The following AATK variants were observed in gnomAD, a reference collection of about 807,000 sequenced individuals.
AATK encodes serine/threonine-protein kinase LMTK1.
Under a neutral mutation model 114.3 loss-of-function variants are expected in AATK, and 91 were observed. That is an observed-to-expected ratio of 0.80 (90% CI 0.67 to 0.95). The LOEUF (loss-of-function observed/expected upper bound fraction) is 0.95, where lower values mean the gene tolerates loss of function less well. Ranked by LOEUF, AATK falls within the 40% of genes least tolerant of loss-of-function variation. The probability of loss-of-function intolerance (pLI) is 0.00; values close to 1 mark genes in which losing one functional copy is unlikely to be tolerated. For missense variants in AATK, 2,176 were observed against 1,965.2 expected, an observed-to-expected ratio of 1.11 and a Z score of -2.03; for synonymous variants, 1,075 against 916.5, an observed-to-expected ratio of 1.17 and a Z score of -3.12.
Position 81,121,906 on chromosome 17 carries a change from T to C in AATK, c.2030A>G (p.His677Arg). The change falls in exon 11 of 14, where the codon CAC (histidine) becomes CGC (arginine). Residue 677 changes from histidine (H) to arginine (R), a missense_variant. By Grantham distance (29) the His-to-Arg change is conservative. This residue lies in a region of AATK where 1,701 missense variants were observed against 1,394.7 expected (regional missense o/e 1.22). Transcript: ENST00000326724. ...GTTGGCTGACACGTTGGAGCGCCAG[T>C]GCCCGCGCTGGGCGGCCCTCCGCGC... is the stretch of plus-strand genomic sequence containing the variant. ...VGARRAAQRG[H>R]WRSNVSANNN... is the part of the protein sequence containing the mutation. 1 of 1,600,750 alleles carries C rather than the reference T, an allele frequency of 6.2e-7. No homozygotes were observed. The highest frequency in any genetic ancestry group is 8.5e-7 in the Non-Finnish European group (1 of 1,178,948).
Position 81,120,819 on chromosome 17 carries a change from G to A in AATK, c.3117C>T (p.Leu1039=). The change falls in exon 11 of 14, where the codon CTC becomes CTT. Residue 1039 remains leucine (L), a synonymous_variant. Coordinates refer to ENST00000326724, the MANE Select transcript of AATK (RefSeq NM_001080395.3). ...GTGCCTCCCCGGAAACCCCAGGCCT[G>A]AGACAGACCTGCTCAGACGGCTGCC... The part of the protein sequence containing the change: ...STGQPSEQVC[L]RPGVSGEAQG... 6.3e-7 allele frequency: 1 copy of A among 1,576,156 alleles called. No individual in the cohort carries two copies. Among genetic ancestry groups the A allele is most frequent in the East Asian group, 2.3e-5 (1 of 42,702 alleles).
chr17:81,140,999 TAA>T (rs1440258407), intron 1 of AATK, among the ~76,000 whole-genome samples: 78 of 121,396 alleles, frequency 6.4e-4, no homozygotes, highest in African/African-American at 2.4e-3. Flanking sequence ...TGTGGGGCCG[TAA>T]GCCGTGGGGC....
At chr17:81,160,345 A>G (rs1311921661) in intron 1 of AATK, 1 of 731,282 alleles carries the variant, frequency 1.4e-6, no homozygotes, top group Admixed American at 6.4e-5. Flanking sequence ...CAGCCCCCTG[A>G]CCCCAGGCCC....
At chr17:81,138,144 T>A (rs1049549510) in intron 1 of AATK, among the ~76,000 whole-genome samples, 1 of 116,602 alleles carries the variant, frequency 8.6e-6, no homozygotes, top group Non-Finnish European at 1.8e-5. Flanking sequence ...CATGCACACA[T>A]ACGCGCACGC....
chr17:81,123,971 G>A (rs1253540051), intron 9 of AATK, among the ~76,000 whole-genome samples: 3 of 152,198 alleles, frequency 2.0e-5, no homozygotes, highest in African/African-American at 7.2e-5. Flanking sequence ...CCTGTGACTG[G>A]AGACCCCAGC....
At chr17:81,163,259 C>G (rs1484052904) in intron 1 of AATK, among the ~76,000 whole-genome samples, 1 of 152,164 alleles carries the variant, frequency 6.6e-6, no homozygotes, top group East Asian at 1.9e-4. Flanking sequence ...CGCCCTGAGG[C>G]CGCACCAGGG....
chr17:81,132,116 T>C, intron 2 of AATK: 4 of 994,052 alleles, frequency 4.0e-6, no homozygotes, highest in Non-Finnish European at 5.4e-6. Context: ...AGCCAAAGTC[T>C]CCAAAGTCCT....
chr17:81,150,460 G>A (rs1321257898), intron 1 of AATK, among the ~76,000 whole-genome samples: 1 of 139,228 alleles, frequency 7.2e-6, no homozygotes, highest in Non-Finnish European at 1.5e-5. Context: ...ACCCCCGGCA[G>A]CTCACTGCCC....
intron 1 of AATK, 177 bp downstream of exon 1, chr17:81,165,760 GC>G: frequency 6.6e-7 from 1 of 1,519,934 alleles, no homozygotes; most frequent in South Asian, 1.2e-5. Flanking sequence ...TTGTGCTGGG[GC>G]CCAGGGCCTG....
intron 1 of AATK, among the ~76,000 whole-genome samples, chr17:81,142,464 G>A (rs370816315): frequency 6.6e-6 from 1 of 152,032 alleles, no homozygotes; most frequent in African/African-American, 2.4e-5. Flanking sequence ...GTAGAGACAG[G>A]TCTCACTATG....
intron 8 of AATK, 34 bp from the exon 9 acceptor site, chr17:81,124,882 G>A (rs763557799): frequency 2.3e-5 from 37 of 1,577,994 alleles, no homozygotes; most frequent in Admixed American, 9.2e-5. Context: ...CCCTGCCGGC[G>A]CAGGCCCTGC....
rs566474649 is a variant in AATK, at chr17:81,165,884, A to ACGTC, written c.55+50_55+53dup. 346 of 1,549,336 alleles carry ACGTC rather than the reference A, an allele frequency of 2.2e-4. 1 individual carries two copies. In the African/African-American group the frequency reaches 4.1e-3, roughly 18 times the overall value. ...GGGAGCCGTGGGGCCCAGGGGCATC[A>ACGTC]CGTCCGCAGCGGAGGGAGGCAGCGG... is the stretch of plus-strand genomic sequence containing the variant. On this transcript the variant is annotated intron_variant, in intron 1 of 13. Transcript: ENST00000326724.
rs1255452726 is a variant in AATK at position 81,121,575 on chromosome 17, C to T, written c.2361G>A (p.Glu787=). 4 of 1,511,102 alleles carry T rather than the reference C, an allele frequency of 2.6e-6. No homozygotes were observed. The highest frequency in any genetic ancestry group is 4.4e-5 in the Admixed American group (2 of 45,220). 93.6% of individuals were successfully genotyped at this position (1,511,102 alleles called of 1,614,324 possible). A position where few individuals can be genotyped will look rare whatever the true frequency, so the allele number is the denominator to read the frequency against. The change falls in exon 11 of 14, where the codon GAG becomes GAA. Residue 787 remains glutamate (E), a synonymous_variant. Transcript: ENST00000326724. ...QAEPKLATEA[E]GTTGPRLPLP... is the part of the protein sequence containing the mutation. The stretch of plus-strand genomic sequence containing the variant: ...GGGGCAGGCGGGGTCCGGTAGTGCC[C>T]TCAGCCTCCGTGGCAAGCTTGGGCT...
rs1195448987 is a variant in AATK, at chr17:81,122,352, G to T, written c.1584C>A (p.Ser528Arg). The part of the protein sequence containing the change: ...VLSAHSPSLG[S>R]EYFIRLEEAA... ...CCTCCTCTAGGCGGATGAAGTACTCGCTGCCCAGCGACGGGCTGTGCGCGC... is the reference window on the plus strand; with the variant it reads ...CCTCCTCTAGGCGGATGAAGTACTCTCTGCCCAGCGACGGGCTGTGCGCGC... The change falls in exon 11 of 14, where the codon AGC becomes AGA. Residue 528 changes from serine to arginine, a missense_variant. By Grantham distance (110) the Ser-to-Arg change is moderately radical. This residue lies in a region of AATK where 1,701 missense variants were observed against 1,394.7 expected (regional missense o/e 1.22). Transcript: ENST00000326724. The T allele has an allele frequency of 6.6e-7, 1 of 1,510,134 alleles. No homozygotes were observed. Among genetic ancestry groups the T allele is most frequent in the African/African-American group, 1.4e-5 (1 of 70,206 alleles). 93.5% of individuals were successfully genotyped at this position (1,510,134 alleles called of 1,614,324 possible). A position where few individuals can be genotyped will look rare whatever the true frequency, so the allele number is the denominator to read the frequency against.
In AATK at chr17:81,119,634, GC is replaced by G. The variant is rs2060664341; in HGVS notation, c.3884-55del. 3.8e-6 allele frequency: 5 copies of G among 1,316,718 alleles called. No homozygotes were observed. In the Admixed American group the frequency reaches 1.2e-4, roughly 32 times the overall value. The allele number at this position is 1,316,718 out of a possible 1,614,324, so 81.6% of individuals were successfully genotyped here. A position where few individuals can be genotyped will look rare whatever the true frequency, so the allele number is the denominator to read the frequency against. On this transcript the variant is annotated intron_variant, in intron 12 of 13. Transcript: ENST00000326724. ...GCTCACAGCCTGGGACCCCGGCCCG[GC>G]CCCGCTCCCACAGTCACGGGCCCAG...
Position 81,127,925 on chromosome 17 carries a change from G to A in AATK, c.415-15C>T, listed in dbSNP as rs1462789447. 1.3e-6 allele frequency: 2 copies of A among 1,548,272 alleles called. No homozygotes were observed. The highest frequency in any genetic ancestry group is 8.7e-7 in the Non-Finnish European group (1 of 1,146,696). On this transcript the variant is annotated splice_polypyrimidine_tract_variant and intron_variant, in intron 4 of 13. Transcript: ENST00000326724. ...CCCAGGAACACCTGTGGGACAGACA[G>A]CATCACCCACGGCTGCTCCGCCTCC...
chr17:81,125,491 T>C (rs570906141), intron 7 of AATK: 14 of 356,424 alleles, frequency 3.9e-5, no homozygotes, highest in South Asian at 3.0e-4. Flanking sequence ...CCATGCCCAC[T>C]CAGAGCTGGA....
At position 81,125,014 on chromosome 17, in the gene AATK, G is replaced by A. The variant is rs113200803; in HGVS notation, c.756C>T (p.Ser252=). Residue 252 remains serine (S), a splice_region_variant and synonymous_variant, in exon 8 of 14, where the codon AGC becomes AGT. Coordinates refer to ENST00000326724, the MANE Select transcript of AATK (RefSeq NM_001080395.3). ...GCAGGCAGTTCCGCAGGGCCAGGTC[G>A]CTGCAGGCAGGGGCAGGGGCAGGGG... The part of the protein sequence containing the change: ...LHLHRNNFVH[S]DLALRNCLLT... 7.4e-5 allele frequency: 114 copies of A among 1,548,826 alleles called. 2 individuals are homozygous for A. The highest frequency in any genetic ancestry group is 5.6e-4 in the African/African-American group (41 of 73,380).
intron 1 of AATK, among the ~76,000 whole-genome samples, chr17:81,140,046 T>G (rs931052926): frequency 1.3e-5 from 2 of 152,168 alleles, no homozygotes; most frequent in African/African-American, 4.8e-5. Flanking sequence ...AGATGGGGTC[T>G]GTGTTGTCCA....
Sources: allele counts gnomAD v4.1 joint callset (sites outside exome capture counted in the v4.1 genomes callset), GRCh38; gene constraint gnomAD v4.1.1; regional missense constraint gnomAD v4.1.1; transcripts MANE v1.5; gene names NCBI Gene and HGNC (gene_info 2026-07-23, HGNC 2026-07-21).